The following MMP17 variants were observed in gnomAD, a reference collection of about 807,000 sequenced individuals.
The protein encoded by MMP17 is matrix metalloproteinase-17.
Under a neutral mutation model 49.1 loss-of-function variants are expected in MMP17, and 54 were observed. The observed-to-expected ratio is 1.10, with a 90% confidence interval of 0.88 to 1.38. The LOEUF is 1.38. Ranked by LOEUF, MMP17 falls within the 40% of genes most tolerant of loss-of-function variation. MMP17 has a pLI of 0.00. For missense variants in MMP17, 837 were observed against 853.7 expected (o/e 0.98, Z 0.24); for synonymous variants, 397 against 383.1 (o/e 1.04, Z -0.42).
In MMP17 at chr12:131,833,006, C is replaced by G. The variant is rs770785146; in HGVS notation, c.159+4353C>G. On this transcript the variant is annotated intron_variant, in intron 1 of 9. Coordinates refer to ENST00000360564, the MANE Select transcript of MMP17 (RefSeq NM_016155.7). ...AGCCCTCCAGCCCATCCCTCACCCC[C>G]ACACAGCACAGTGGTCACAGGCGGA... Among the ~76,000 whole-genome samples the G allele has an allele frequency of 7.2e-4, 109 of 152,242 alleles. 2 individuals carry two copies. Among genetic ancestry groups the G allele is most frequent in the Non-Finnish European group, 1.5e-4 (10 of 68,042 alleles).
Position 131,840,610 on chromosome 12 carries a change from G to A in MMP17, c.460G>A (p.Asp154Asn), listed in dbSNP as rs143699569. 7.6e-5 allele frequency: 122 copies of A among 1,603,502 alleles called. No individual in the cohort carries two copies. Among genetic ancestry groups the A allele is most frequent in the African/African-American group, 1.5e-4 (11 of 74,950 alleles). ...TFPRDSPLGH[D>N]TVRALMYYAL... ...CCCACGGGACTCACCACTGGGGCACGACACGGTGCGTGCACTCATGTACTA... is the reference window on the plus strand; with the variant it reads ...CCCACGGGACTCACCACTGGGGCACAACACGGTGCGTGCACTCATGTACTA... The change falls in exon 4 of 10, where the codon GAC becomes AAC. Residue 154 changes from aspartate (D) to asparagine (N), a missense_variant. Asp to Asn is a conservative substitution (Grantham distance 23). Coordinates refer to ENST00000360564, the MANE Select transcript of MMP17 (RefSeq NM_016155.7).
Position 131,851,742 on chromosome 12 carries a change from T to G in MMP17, c.*468T>G, listed in dbSNP as rs1887985093. On this transcript the variant is annotated 3_prime_UTR_variant, in exon 10 of 10. Coordinates refer to ENST00000360564, the MANE Select transcript of MMP17 (RefSeq NM_016155.7). ...CGCGGCACGTCCCCCCTGTGACGCG[T>G]TCCAGACCAACATGACCTCTCCCTG... is the stretch of plus-strand genomic sequence containing the variant. The G allele has an allele frequency of 1.9e-5, 3 of 155,440 alleles. No individual in the cohort carries two copies. The highest frequency in any genetic ancestry group is 1.4e-5 in the Non-Finnish European group (1 of 70,764). The allele number at this position is 155,440 out of a possible 1,614,324, so 9.6% of individuals were successfully genotyped here.
chr12:131,847,853 G>T (rs987165935), intron 8 of MMP17, among the ~76,000 whole-genome samples: 6 of 152,186 alleles, frequency 3.9e-5, no homozygotes, highest in African/African-American at 1.2e-4. Flanking sequence ...TGGGTCTCTT[G>T]CCACAGGCCG....
intron 1 of MMP17, among the ~76,000 whole-genome samples, chr12:131,831,100 G>T (rs1886771618): frequency 6.6e-6 from 1 of 152,188 alleles, no homozygotes; most frequent in Admixed American, 6.5e-5. Context: ...GAGTGTCTGT[G>T]CCGGAGCCGC....
At chr12:131,840,350 A>G (rs1887321347) in intron 3 of MMP17, 2 of 523,098 alleles carry the variant, frequency 3.8e-6, no homozygotes, top group Admixed American at 3.3e-5. Flanking sequence ...TGGGGGTCTC[A>G]GCCTGCCTGG....
At position 131,845,289 on chromosome 12, in the gene MMP17, G is replaced by A. The variant is rs1887642761; in HGVS notation, c.1052-8G>A. Reference sequence around the variant, plus strand: ...TCTGCAGCCCGGCCCTCCCCTCTGTGCCCCCAGGCAAGTACTTCTGGCGGC... The same window carrying A: ...TCTGCAGCCCGGCCCTCCCCTCTGTACCCCCAGGCAAGTACTTCTGGCGGC... On this transcript the variant is annotated splice_polypyrimidine_tract_variant and splice_region_variant and intron_variant, in intron 7 of 9. Transcript: ENST00000360564. 2 of 1,610,820 alleles carry A rather than the reference G, an allele frequency of 1.2e-6. No individual in the cohort carries two copies. The highest frequency in any genetic ancestry group is 8.5e-7 in the Non-Finnish European group (1 of 1,177,686).
At chr12:131,833,414 C>T (rs907435776) in intron 1 of MMP17, among the ~76,000 whole-genome samples, 5 of 152,240 alleles carry the variant, frequency 3.3e-5, no homozygotes, top group Admixed American at 2.0e-4. Context: ...TGGGGTCCCG[C>T]GGTCTCAGTC....
chr12:131,843,807 G>A (rs993820354), intron 5 of MMP17, among the ~76,000 whole-genome samples, 190 bp from the exon 6 acceptor site: 7 of 152,188 alleles, frequency 4.6e-5, no homozygotes, highest in Admixed American at 6.5e-5. Context: ...TGTTTAACTC[G>A]GCGAGGGGTC....
intron 6 of MMP17, 156 bp downstream of exon 6, chr12:131,844,237 C>A: frequency 1.5e-6 from 1 of 666,206 alleles, no homozygotes; most frequent in Admixed American, 2.9e-5. Context: ...TTTCTTAAAC[C>A]CCATCTAATA....
At chr12:131,833,887 G>T (rs1052579055) in intron 1 of MMP17, among the ~76,000 whole-genome samples, 2 of 152,208 alleles carry the variant, frequency 1.3e-5, no homozygotes, top group African/African-American at 4.8e-5. Flanking sequence ...CCGGGGACGG[G>T]GCCTGCACTC....
At chr12:131,836,075 C>T (rs1422599315) in intron 1 of MMP17, among the ~76,000 whole-genome samples, 2 of 152,234 alleles carry the variant, frequency 1.3e-5, no homozygotes, top group Non-Finnish European at 2.9e-5. Flanking sequence ...TGAACGTCCA[C>T]TTTGACGTCC....
chr12:131,846,742 C>T lies in MMP17; in HGVS notation c.1204+1293C>T, dbSNP rs764750463. Among the ~76,000 whole-genome samples the T allele has an allele frequency of 4.6e-5, 7 of 152,180 alleles. No homozygotes were observed. Among genetic ancestry groups the T allele is most frequent in the African/African-American group, 7.2e-5 (3 of 41,442 alleles). On this transcript the variant is annotated intron_variant, in intron 8 of 9. Coordinates refer to ENST00000360564, the MANE Select transcript of MMP17 (RefSeq NM_016155.7). This position sits in a 1 kb window ranked among gnomAD's most constrained non-coding sequence, Gnocchi z 4.6. ...AAGACCCTCTTTCCAAGTAAGGTCA[C>T]GTCCTGAGATTCTGGGTGGATGTGA...
At chr12:131,845,475 C>A (rs932053223) in intron 8 of MMP17, 26 bp downstream of exon 8, 2 of 1,534,682 alleles carry the variant, frequency 1.3e-6, no homozygotes, top group African/African-American at 1.4e-5. Context: ...CGTCGCACTC[C>A]GGGCTTCCCG....
chr12:131,844,311 C>G (rs1449237614), intron 6 of MMP17: 2 of 541,668 alleles, frequency 3.7e-6, no homozygotes, highest in East Asian at 3.4e-5. Flanking sequence ...TTCCTCTCCC[C>G]CTCGTCCCTG....
rs117508750 is a variant in MMP17 at position 131,849,983 on chromosome 12, C to A, written c.1386C>A (p.Asp462Glu). 4 of 1,613,790 alleles carry A rather than the reference C, an allele frequency of 2.5e-6. No individual in the cohort carries two copies. The highest frequency in any genetic ancestry group is 1.7e-4 in the Middle Eastern group (1 of 6,060). ...ACGATGACCACACGAGGCACATGGA[C>A]CCCGGCTACCCCGCCCAGAGCCCCC... Reference protein sequence around the residue: ...WRYDDHTRHMDPGYPAQSPLW... With the variant: ...WRYDDHTRHMEPGYPAQSPLW... Residue 462 changes from aspartate to glutamate, a missense_variant, in exon 9 of 10, where the codon GAC becomes GAA. Asp to Glu is a conservative substitution (Grantham distance 45). Transcript: ENST00000360564.
At chr12:131,834,946 C>G (rs886565591) in intron 1 of MMP17, among the ~76,000 whole-genome samples, 2 of 152,206 alleles carry the variant, frequency 1.3e-5, no homozygotes, top group East Asian at 3.9e-4. Flanking sequence ...CAGGTCAGGG[C>G]TGGGCGAGGG....
chr12:131,832,690 C>T (rs750968077), intron 1 of MMP17, among the ~76,000 whole-genome samples: 15 of 152,044 alleles, frequency 9.9e-5, no homozygotes, highest in South Asian at 2.1e-4. Flanking sequence ...TGGGACAGGA[C>T]GGCAGGGACA....
At chr12:131,834,027 A>C (rs1886951818) in intron 1 of MMP17, among the ~76,000 whole-genome samples, 1 of 152,244 alleles carries the variant, frequency 6.6e-6, no homozygotes, top group Admixed American at 6.5e-5. Flanking sequence ...CTGAACGGTG[A>C]ATCCAGAGTG....
intron 5 of MMP17, among the ~76,000 whole-genome samples, chr12:131,843,255 C>T (rs1025731211): frequency 9.4e-5 from 14 of 149,644 alleles, no homozygotes; most frequent in East Asian, 4.0e-4. Context: ...CGTGAGCCAC[C>T]GCACCTGGCC....
Sources: gnomAD v4.1 joint callset for allele counts (sites outside exome capture counted in the v4.1 genomes callset) on GRCh38, gnomAD v4.1.1 for gene constraint, Gnocchi (gnomAD v3.1) non-coding constraint, MANE v1.5 for transcripts, NCBI Gene and HGNC (gene_info 2026-07-23, HGNC 2026-07-21) for gene names.